The following MOB2 variants were observed in gnomAD, a reference collection of about 807,000 sequenced individuals.
The protein encoded by MOB2 is MOB kinase activator 2.
MOB2 carries 14 observed loss-of-function variants against 27.4 expected under a neutral mutation model. The observed-to-expected ratio is 0.51, with a 90% confidence interval of 0.34 to 0.80. The LOEUF (loss-of-function observed/expected upper bound fraction) is 0.80, where lower values mean the gene tolerates loss of function less well. Among genes scored for constraint, MOB2 ranks in the 30% least tolerant of loss-of-function variants. The pLI is 0.01. For missense variants in MOB2, 304 were observed against 354.6 expected (o/e 0.86, Z 1.15); for synonymous variants, 167 against 151.8 (o/e 1.10, Z -0.74).
At chr11:1,477,494 C>T (rs1847864376) in intron 3 of MOB2, among the ~76,000 whole-genome samples, 1 of 152,190 alleles carries the variant, frequency 6.6e-6, no homozygotes. Flanking sequence ...GCAAGGGTAT[C>T]TGGAGATGGG....
intron 3 of MOB2, among the ~76,000 whole-genome samples, chr11:1,475,521 G>A (rs554617409): frequency 5.9e-5 from 9 of 152,246 alleles, no homozygotes; most frequent in South Asian, 2.1e-4. Flanking sequence ...AGTTAGTCTC[G>A]AACTCCTGAA....
chr11:1,470,747 A>G (rs916930357), intron 4 of MOB2, among the ~76,000 whole-genome samples: 3 of 152,148 alleles, frequency 2.0e-5, no homozygotes, highest in Admixed American at 1.3e-4. Context: ...GAGGGCTGGG[A>G]GCTCGTTGGG....
At chr11:1,472,985 G>A (rs1232717764) in intron 3 of MOB2, 2 of 153,262 alleles carry the variant, frequency 1.3e-5, no homozygotes, top group African/African-American at 2.4e-5. Flanking sequence ...CAAGAAGCTA[G>A]AGGATGACAC....
At chr11:1,482,023 G>A (rs1847921139) in intron 1 of MOB2, among the ~76,000 whole-genome samples, 1 of 152,210 alleles carries the variant, frequency 6.6e-6, no homozygotes, top group African/African-American at 2.4e-5. Context: ...GTCCACCACA[G>A]GGAAGGCTCT....
At chr11:1,484,880 T>A (rs1055201774) in intron 1 of MOB2, among the ~76,000 whole-genome samples, 1 of 152,132 alleles carries the variant, frequency 6.6e-6, no homozygotes, top group Non-Finnish European at 1.5e-5. Flanking sequence ...GTGTGGCTTC[T>A]TTTCTTCTGA....
chr11:1,476,127 T>TCAGAA (rs1396003808), intron 3 of MOB2, among the ~76,000 whole-genome samples: 4 of 152,250 alleles, frequency 2.6e-5, no homozygotes, highest in African/African-American at 9.6e-5. Context: ...ATCACACTGC[T>TCAGAA]CAGAACAGCA....
intron 4 of MOB2, 46 bp downstream of exon 4, chr11:1,471,249 C>T: frequency 6.3e-7 from 1 of 1,583,088 alleles, no homozygotes; most frequent in African/African-American, 1.3e-5. Context: ...CTGAATGCTC[C>T]CTGCCCCACT....
chr11:1,481,727 C>T (rs1246808424), intron 1 of MOB2: 3 of 40,666 alleles, frequency 7.4e-5, no homozygotes, highest in Non-Finnish European at 1.4e-4. Flanking sequence ...GGGGCAGGGG[C>T]AGGGGCAGGG....
chr11:1,475,647 C>G (rs1208949129), intron 3 of MOB2, among the ~76,000 whole-genome samples: 2 of 152,322 alleles, frequency 1.3e-5, no homozygotes, highest in East Asian at 3.9e-4. Context: ...GGTCGCATAT[C>G]AGGGGGTCCC....
intron 1 of MOB2, among the ~76,000 whole-genome samples, chr11:1,485,584 C>T (rs746263884): frequency 6.6e-6 from 1 of 152,022 alleles, no homozygotes. Context: ...ACACGGGTGC[C>T]GCAGCCCCCG....
intron 1 of MOB2, among the ~76,000 whole-genome samples, chr11:1,482,863 C>T (rs907613491): frequency 2.1e-4 from 32 of 152,336 alleles, no homozygotes; most frequent in African/African-American, 5.8e-4. Context: ...AAGCCCCGAA[C>T]GCCTGGCAGC....
chr11:1,480,985 C>T (rs1847906944), intron 1 of MOB2, 100 bp from the exon 2 acceptor site: 1 of 1,438,090 alleles, frequency 7.0e-7, no homozygotes, highest in African/African-American at 1.4e-5. Flanking sequence ...GAGGGAGCTG[C>T]CCGAGCCCAT....
downstream of MOB2, chr11:1,469,451 A>G (rs996918590): frequency 1.5e-5 from 6 of 405,760 alleles, no homozygotes; most frequent in Admixed American, 1.5e-4. Flanking sequence ...AGACGTACAC[A>G]GGCTCTGACC....
intron 3 of MOB2, among the ~76,000 whole-genome samples, chr11:1,479,959 C>G (rs909755461): frequency 2.6e-5 from 4 of 152,246 alleles, no homozygotes; most frequent in African/African-American, 4.8e-5. Context: ...GAGCTACCAG[C>G]ACCAGGCATG....
chr11:1,485,593 C>A (rs970938937), intron 1 of MOB2, among the ~76,000 whole-genome samples: 2 of 152,174 alleles, frequency 1.3e-5, no homozygotes, highest in Non-Finnish European at 2.9e-5. Flanking sequence ...CCGCAGCCCC[C>A]GGCCCTTGGA....
intron 3 of MOB2, among the ~76,000 whole-genome samples, chr11:1,477,346 C>A (rs563718532): frequency 6.6e-6 from 1 of 152,324 alleles, no homozygotes; most frequent in African/African-American, 2.4e-5. Flanking sequence ...ATAGCCACTT[C>A]CGCTTCCTTC....
In MOB2 at chr11:1,470,044, A is replaced by G. The variant is rs1185421985; in HGVS notation, c.*128T>C. 1 of 1,536,350 alleles carries G rather than the reference A, an allele frequency of 6.5e-7. No individual in the cohort carries two copies. Among genetic ancestry groups the G allele is most frequent in the Non-Finnish European group, 8.7e-7 (1 of 1,146,614 alleles). ...CGTCTGTGCCTGTGCAGCCCACACCAGTGCAGCCCGGGGCCCTCTCAGACC... is the reference window on the plus strand; with the variant it reads ...CGTCTGTGCCTGTGCAGCCCACACCGGTGCAGCCCGGGGCCCTCTCAGACC... On this transcript the variant is annotated 3_prime_UTR_variant, in exon 5 of 5. Coordinates refer to ENST00000329957, the MANE Select transcript of MOB2 (RefSeq NM_001172223.3).
rs1231537213 is a variant in MOB2, at chr11:1,469,580, T to C, written c.*592A>G. On this transcript the variant is annotated 3_prime_UTR_variant, in exon 5 of 5. Coordinates refer to ENST00000329957, the MANE Select transcript of MOB2 (RefSeq NM_001172223.3). ...CCCCGTCCTGGCCTTGCCTGAGGAC[T>C]GCACCATGGGTGTTCCTTGGGCATG... The C allele has an allele frequency of 4.4e-6, 2 of 456,710 alleles. No homozygotes were observed. Among genetic ancestry groups the C allele is most frequent in the African/African-American group, 4.0e-5 (2 of 50,098 alleles). 28.3% of individuals were successfully genotyped at this position (456,710 alleles called of 1,614,324 possible).
At chr11:1,481,176 T>C (rs1376405591) in intron 1 of MOB2, 3 of 514,606 alleles carry the variant, frequency 5.8e-6, no homozygotes, top group Non-Finnish European at 1.1e-5. Flanking sequence ...CACCAAGTCC[T>C]CCAACCAGGG....
Sources: allele counts gnomAD v4.1 joint callset (sites outside exome capture counted in the v4.1 genomes callset), GRCh38; gene constraint gnomAD v4.1.1; transcripts MANE v1.5; gene names NCBI Gene and HGNC (gene_info 2026-07-23, HGNC 2026-07-21).